RUNDC3B: variants seen among roughly 807,000 people sequenced by gnomAD.
RUNDC3B encodes the protein RUN domain containing 3B.
Under a neutral mutation model 58.4 loss-of-function variants are expected in RUNDC3B, and 33 were observed. The ratio of observed to expected loss-of-function variants is 0.56; its 90% CI spans 0.43 to 0.75. The LOEUF (loss-of-function observed/expected upper bound fraction) is 0.75. Among genes scored for constraint, RUNDC3B ranks in the 30% least tolerant of loss-of-function variants. The pLI is 0.00. For synonymous variants in RUNDC3B, 193 were observed against 195.2 expected, an observed-to-expected ratio of 0.99 and a Z score of 0.10; for missense variants, 501 against 535.7, an observed-to-expected ratio of 0.94 and a Z score of 0.64.
chr7:87,633,692 C>T lies in RUNDC3B; in HGVS notation c.122+4747C>T, dbSNP rs541759011. 1.2e-3 allele frequency among the ~76,000 whole-genome samples: 175 copies of T among 151,864 alleles called. 1 individual carries two copies. Among genetic ancestry groups the T allele is most frequent in the Non-Finnish European group, 9.1e-4 (62 of 67,988 alleles). ...AATTTTTTTTTTTTTAAAAAGCACC[C>T]AGAGGCCTGAGTTAAGTTTAGTGAG... On this transcript the variant is annotated intron_variant, in intron 1 of 10. Transcript: ENST00000394654.
At chr7:87,639,838 C>A (rs530417911) in intron 1 of RUNDC3B, among the ~76,000 whole-genome samples, 1 of 151,952 alleles carries the variant, frequency 6.6e-6, no homozygotes, top group South Asian at 2.1e-4. Flanking sequence ...TTTATGTAGT[C>A]TGATAATCTT....
At chr7:87,701,819 A>G (rs1233516410) in intron 3 of RUNDC3B, among the ~76,000 whole-genome samples, 2 of 152,142 alleles carry the variant, frequency 1.3e-5, no homozygotes, top group Admixed American at 6.5e-5. Flanking sequence ...TTATCTTGTA[A>G]AGACACTAAA....
intron 6 of RUNDC3B, among the ~76,000 whole-genome samples, chr7:87,769,085 C>T (rs1834127731): frequency 1.3e-5 from 2 of 152,242 alleles, no homozygotes; most frequent in South Asian, 2.1e-4. Flanking sequence ...ACTGCAACCT[C>T]TACCTCCTGG....
intron 2 of RUNDC3B, among the ~76,000 whole-genome samples, chr7:87,663,485 G>GTA (rs1480748948): frequency 4.0e-5 from 6 of 151,812 alleles, no homozygotes; most frequent in Admixed American, 3.3e-4. Context: ...TGTGTTCTTT[G>GTA]TATACCTTTT....
At chr7:87,761,826 C>A (rs1055062792) in intron 6 of RUNDC3B, among the ~76,000 whole-genome samples, 5 of 151,676 alleles carry the variant, frequency 3.3e-5, no homozygotes, top group African/African-American at 1.2e-4. Flanking sequence ...GGGAGCATGG[C>A]AATTTATCAC....
Position 87,814,850 on chromosome 7 carries a change from T to G in RUNDC3B, c.1104-1291T>G, listed in dbSNP as rs188126784. Among the ~76,000 whole-genome samples, 293 of 152,304 alleles carry G rather than the reference T, an allele frequency of 1.9e-3. 1 individual carries two copies. Among genetic ancestry groups the G allele is most frequent in the African/African-American group, 6.7e-3 (280 of 41,582 alleles). Reference sequence around the variant, plus strand: ...CTGTATTATAAGCTGGTAAAGTGATTCTGTCACCTCATTCTTCATTTCTTA... The same window carrying G: ...CTGTATTATAAGCTGGTAAAGTGATGCTGTCACCTCATTCTTCATTTCTTA... On this transcript the variant is annotated intron_variant, in intron 9 of 10. Transcript: ENST00000394654.
intron 10 of RUNDC3B, among the ~76,000 whole-genome samples, chr7:87,822,415 TA>T (rs1837520976): frequency 6.6e-6 from 1 of 152,020 alleles, no homozygotes; most frequent in African/African-American, 2.4e-5. Context: ...TGTGGAAAAA[TA>T]GGAACACTTT....
intron 2 of RUNDC3B, among the ~76,000 whole-genome samples, chr7:87,652,245 A>T (rs924164996): frequency 1.3e-5 from 2 of 152,082 alleles, no homozygotes; most frequent in African/African-American, 4.8e-5. Flanking sequence ...TGATTCTCTC[A>T]CAAAAACTAT....
intron 10 of RUNDC3B, among the ~76,000 whole-genome samples, chr7:87,819,725 T>C (rs1428856040): frequency 2.0e-5 from 3 of 152,150 alleles, no homozygotes; most frequent in Non-Finnish European, 4.4e-5. Flanking sequence ...AACTCAGGAC[T>C]AAGAAACTCA....
At chr7:87,743,584 CAT>C (rs1832473092) in intron 6 of RUNDC3B, among the ~76,000 whole-genome samples, 1 of 152,070 alleles carries the variant, frequency 6.6e-6, no homozygotes, top group African/African-American at 2.4e-5. Flanking sequence ...TGCGCATTTT[CAT>C]ATGTTTGTTG....
intron 3 of RUNDC3B, among the ~76,000 whole-genome samples, chr7:87,704,186 G>T (rs533887150): frequency 4.6e-5 from 7 of 152,044 alleles, no homozygotes; most frequent in Admixed American, 3.3e-4. Flanking sequence ...CTCGCAAAGT[G>T]CTGGGATTAT....
At chr7:87,661,044 T>C (rs913056814) in intron 2 of RUNDC3B, among the ~76,000 whole-genome samples, 1 of 152,000 alleles carries the variant, frequency 6.6e-6, no homozygotes, top group Non-Finnish European at 1.5e-5. Flanking sequence ...TTTTCAAATG[T>C]TATTTACATT....
chr7:87,697,807 T>C (rs1828626048), intron 2 of RUNDC3B, among the ~76,000 whole-genome samples: 1 of 152,158 alleles, frequency 6.6e-6, no homozygotes, highest in Non-Finnish European at 1.5e-5. Context: ...CCCAGACTCA[T>C]AAAGTGAACC....
At chr7:87,664,823 T>C (rs1825069588) in intron 2 of RUNDC3B, among the ~76,000 whole-genome samples, 1 of 152,116 alleles carries the variant, frequency 6.6e-6, no homozygotes, top group Non-Finnish European at 1.5e-5. Context: ...GACAAAATAA[T>C]AGCTATAAGT....
intron 4 of RUNDC3B, among the ~76,000 whole-genome samples, chr7:87,735,933 G>T (rs570066523): frequency 8.2e-4 from 125 of 152,036 alleles, no homozygotes; most frequent in African/African-American, 3.0e-3. Context: ...ATAGTACCTC[G>T]CACAGTTCTT....
chr7:87,774,820 G>A (rs1442438835), intron 7 of RUNDC3B, among the ~76,000 whole-genome samples: 5 of 152,134 alleles, frequency 3.3e-5, no homozygotes, highest in African/African-American at 4.8e-5. Context: ...GATTATAATG[G>A]AGATGAAAAA....
chr7:87,685,624 A>C (rs1175003069), intron 2 of RUNDC3B, among the ~76,000 whole-genome samples: 1 of 152,228 alleles, frequency 6.6e-6, no homozygotes, highest in Non-Finnish European at 1.5e-5. Context: ...ATTCTAGGAA[A>C]GACCAAACTG....
In RUNDC3B at chr7:87,737,104, G is replaced by T. The variant is rs925247972; in HGVS notation, c.459-2687G>T. Among the ~76,000 whole-genome samples the T allele has an allele frequency of 2.7e-5, 4 of 150,918 alleles. No homozygotes were observed. The East Asian group carries it at 7.8e-4, about 29-fold the overall frequency. On this transcript the variant is annotated intron_variant, in intron 4 of 10. Transcript: ENST00000394654. ...TTGTATAGGTGGGTTTCACCATGTT[G>T]CCCAGGCTGATCTCTAACTCCTGGG... is the stretch of plus-strand genomic sequence containing the variant.
intron 4 of RUNDC3B, among the ~76,000 whole-genome samples, chr7:87,738,418 C>CA (rs1832117037): frequency 2.0e-5 from 3 of 151,910 alleles, no homozygotes; most frequent in Admixed American, 2.0e-4. Context: ...TCAGTAAAAG[C>CA]AATTTCAGTA....
Sources: allele counts gnomAD v4.1 joint callset (sites outside exome capture counted in the v4.1 genomes callset), GRCh38; gene constraint gnomAD v4.1.1; transcripts MANE v1.5; gene names NCBI Gene and HGNC (gene_info 2026-07-23, HGNC 2026-07-21).